Variants in LY75 observed in about 807,000 individuals in gnomAD.
The protein encoded by LY75 is C-type lectin domain family 13 member B.
LY75 carries 185 observed loss-of-function variants against 231.7 expected under a neutral mutation model. The ratio of observed to expected loss-of-function variants is 0.80; its 90% CI spans 0.71 to 0.90. LY75 has a LOEUF of 0.90. LY75 is among the 40% of genes least tolerant of loss of function. The probability of loss-of-function intolerance (pLI) is 0.00; values close to 1 mark genes in which losing one functional copy is unlikely to be tolerated. For missense variants in LY75, 1,947 were observed against 2,050.2 expected (o/e 0.95, Z 0.97); for synonymous variants, 668 against 689.0 (o/e 0.97, Z 0.48).
In LY75 at chr2:159,882,148, C is replaced by A. The variant is rs749964246; in HGVS notation, c.1222G>T (p.Val408Phe). ...SIHSLADVEV[V>F]VTKLHNEDIK... ...CCCTCATTATGGAGTTTTGTGACAA[C>A]CACCTCCACATCTGCTAGAGAATGA... Residue 408 changes from valine (V) to phenylalanine (F), a missense_variant, in exon 7 of 35, where the codon GTT becomes TTT. Val to Phe is a conservative substitution (Grantham distance 50). Coordinates refer to ENST00000263636, the MANE Select transcript of LY75 (RefSeq NM_002349.4). 14 of 1,612,972 alleles carry A rather than the reference C, an allele frequency of 8.7e-6. No individual in the cohort carries two copies. Among genetic ancestry groups the A allele is most frequent in the Admixed American group, 1.7e-5 (1 of 59,844 alleles).
intron 15 of LY75, 125 bp from the exon 16 acceptor site, chr2:159,858,601 A>G (rs560093913): frequency 1.9e-6 from 2 of 1,026,882 alleles, no homozygotes; most frequent in Admixed American, 6.9e-5. Flanking sequence ...TGTTCGATAA[A>G]TGAACACATG....
chr2:159,833,318 T>C (rs767557947), intron 27 of LY75, among the ~76,000 whole-genome samples: 3 of 152,138 alleles, frequency 2.0e-5, no homozygotes, highest in Non-Finnish European at 2.9e-5. Context: ...AGTCTCACTA[T>C]GTTGCCCAGG....
chr2:159,853,782 A>C, intron 18 of LY75, 85 bp from the exon 19 acceptor site: 1 of 1,554,212 alleles, frequency 6.4e-7, no homozygotes, highest in East Asian at 2.3e-5. Flanking sequence ...TACTATAATC[A>C]CTAACCACTA....
chr2:159,893,678 T>C (rs1287837229), intron 3 of LY75, among the ~76,000 whole-genome samples: 1 of 152,138 alleles, frequency 6.6e-6, no homozygotes, highest in East Asian at 1.9e-4. Flanking sequence ...TGGGGTGCTA[T>C]GGAACACTCC....
chr2:159,899,040 G>T lies in LY75; in HGVS notation c.114C>A (p.Ile38=), dbSNP rs571249685. Residue 38 remains isoleucine (I), a synonymous_variant, in exon 2 of 35, where the codon ATC becomes ATA. Transcript: ENST00000263636. ...TGCACTTGCCCGTATTTCCATGGAC[G>T]ATGGTGAAGGGGTCATTAGCTGAGT... ...SGRAANDPFT[I]VHGNTGKCIK... is the part of the protein sequence containing the mutation. 3 of 1,613,022 alleles carry T rather than the reference G, an allele frequency of 1.9e-6. No homozygotes were observed. Among genetic ancestry groups the T allele is most frequent in the East Asian group, 2.2e-5 (1 of 44,888 alleles).
At chr2:159,854,219 A>C in intron 18 of LY75, 141 bp downstream of exon 18, 2 of 506,720 alleles carry the variant, frequency 3.9e-6, no homozygotes, top group Non-Finnish European at 6.0e-6. Context: ...CTAACATGAA[A>C]CAAATTTGGA....
chr2:159,854,704 G>A (rs1684498817), intron 17 of LY75, among the ~76,000 whole-genome samples, 169 bp from the exon 18 acceptor site: 1 of 152,152 alleles, frequency 6.6e-6, no homozygotes, highest in African/African-American at 2.4e-5. Context: ...CAGTGACTCT[G>A]CCACTCCCCT....
intron 25 of LY75, among the ~76,000 whole-genome samples, 181 bp from the exon 26 acceptor site, chr2:159,835,826 C>T (rs1336000861): frequency 1.3e-5 from 2 of 152,062 alleles, no homozygotes; most frequent in African/African-American, 4.8e-5. Flanking sequence ...TTACTTAATC[C>T]TTGTAACAAC....
chr2:159,890,383 G>A lies in LY75; in HGVS notation c.638-6C>T. 6.2e-7 allele frequency: 1 copy of A among 1,612,460 alleles called. No individual in the cohort carries two copies. On this transcript the variant is annotated splice_region_variant and splice_polypyrimidine_tract_variant and intron_variant, in intron 3 of 34. Transcript: ENST00000263636. ...ATTATCTTCACAACCGTTTTCTGTT[G>A]ATAAAGACACGTTAGTGATCATAAA...
At chr2:159,869,894 T>C (rs942982431) in intron 13 of LY75, among the ~76,000 whole-genome samples, 5 of 152,210 alleles carry the variant, frequency 3.3e-5, no homozygotes, top group African/African-American at 9.7e-5. Context: ...TTCTCAAGGT[T>C]GAGGGAATAG....
At chr2:159,820,925 C>T (rs144938964) in intron 28 of LY75, among the ~76,000 whole-genome samples, 2,083 of 152,208 alleles carry the variant, frequency 0.014, 19 homozygotes, top group Admixed American at 0.029. Flanking sequence ...CTGCAACCTC[C>T]ACCTCCTGGG....
chr2:159,850,799 T>TATATATATATATATATATAAATAAA (rs1491206351), intron 21 of LY75, among the ~76,000 whole-genome samples: 1 of 105,382 alleles, frequency 9.5e-6, no homozygotes, highest in African/African-American at 3.9e-5. Flanking sequence ...TATATATATA[T>TATATATATATATATATATAAATAAA]TATATCTTAT....
intron 23 of LY75, among the ~76,000 whole-genome samples, chr2:159,849,527 C>T (rs1324120862): frequency 1.3e-5 from 2 of 152,132 alleles, no homozygotes; most frequent in Non-Finnish European, 2.9e-5. Flanking sequence ...CAACTCACTA[C>T]ATGATGGTTT....
rs1574523985 is a variant in LY75, at chr2:159,816,782, T to C, written c.4380+24A>G. 3.1e-6 allele frequency: 5 copies of C among 1,608,136 alleles called. No homozygotes were observed. In the African/African-American group the frequency reaches 6.7e-5, roughly 22 times the overall value. On this transcript the variant is annotated intron_variant, in intron 30 of 34. Coordinates refer to ENST00000263636, the MANE Select transcript of LY75 (RefSeq NM_002349.4). ...CTCAAAATAACACATTTGAAAAGTT[T>C]CTGGAAAACGAAGCAAGACTTACAT...
At chr2:159,869,594 G>T (rs1385728865) in intron 13 of LY75, among the ~76,000 whole-genome samples, 2 of 152,150 alleles carry the variant, frequency 1.3e-5, no homozygotes, top group Non-Finnish European at 2.9e-5. Flanking sequence ...TCTTAGTAGG[G>T]CTTGATTCGA....
Position 159,898,846 on chromosome 2 carries a change from C to A in LY75, c.308G>T (p.Ser103Ile). 1.2e-6 allele frequency: 2 copies of A among 1,614,196 alleles called. No individual in the cohort carries two copies. Among genetic ancestry groups the A allele is most frequent in the Non-Finnish European group, 1.7e-6 (2 of 1,180,030 alleles). ...NELRMFSCDSSAMLWWKCEHH... is the reference protein window; with the variant it reads ...NELRMFSCDSIAMLWWKCEHH... ...CTCACATTTCCACCACAGCATGGCA[C>A]TGGAGTCACAGCTGAACATTCTCAG... Residue 103 changes from serine to isoleucine, a missense_variant, in exon 2 of 35, where the codon AGT becomes ATT. Coordinates refer to ENST00000263636, the MANE Select transcript of LY75 (RefSeq NM_002349.4).
intron 8 of LY75, among the ~76,000 whole-genome samples, chr2:159,879,593 T>C (rs1020532751): frequency 6.6e-6 from 1 of 152,154 alleles, no homozygotes; most frequent in Non-Finnish European, 1.5e-5. Context: ...TGTGGATAAA[T>C]TTCATTTTCT....
chr2:159,873,531 G>A (rs1685080506), intron 12 of LY75, among the ~76,000 whole-genome samples: 1 of 152,092 alleles, frequency 6.6e-6, no homozygotes, highest in Non-Finnish European at 1.5e-5. Flanking sequence ...ACCTGAAGTT[G>A]GGAGCAGAGG....
chr2:159,872,301 G>A (rs750173306), intron 13 of LY75, 150 bp downstream of exon 13: 19 of 957,960 alleles, frequency 2.0e-5, no homozygotes, highest in African/African-American at 5.0e-5. Context: ...AGTGCTTAAT[G>A]TTCCATGACT....
Sources: allele counts gnomAD v4.1 joint callset (sites outside exome capture counted in the v4.1 genomes callset), GRCh38; gene constraint gnomAD v4.1.1; transcripts MANE v1.5; gene names NCBI Gene and HGNC (gene_info 2026-07-23, HGNC 2026-07-21).